TBX5: variants seen among roughly 807,000 people sequenced by gnomAD.
TBX5 encodes the protein T-box transcription factor 5, also known as T-box transcription factor TBX5.
In TBX5, 8 loss-of-function variants were observed where a neutral mutation model predicts 51.1. The observed-to-expected ratio is 0.16, with a 90% confidence interval of 0.09 to 0.28. The LOEUF (loss-of-function observed/expected upper bound fraction) is 0.28. Among genes scored for constraint, TBX5 ranks in the 10% least tolerant of loss-of-function variants. The pLI is 1.00. For synonymous variants in TBX5, 302 were observed against 266.4 expected (o/e 1.13, Z -1.30); for missense variants, 589 against 671.7 (o/e 0.88, Z 1.36).
chr12:114,404,295 A>AT (rs1872050805), intron 1 of TBX5, among the ~76,000 whole-genome samples: 1 of 152,112 alleles, frequency 6.6e-6, no homozygotes, highest in African/African-American at 2.4e-5. Flanking sequence ...AGGCGTGGGT[A>AT]TTTTTGGAAG....
At chr12:114,397,325 A>G (rs2555007) in intron 5 of TBX5, among the ~76,000 whole-genome samples, 143,660 of 152,164 alleles carry the variant, frequency 0.94, 68,190 homozygotes, top group East Asian at 1. Flanking sequence ...TAGGACCTTG[A>G]CAAGTCACCC....
chr12:114,360,295 G>A (rs1422124862), intron 8 of TBX5, among the ~76,000 whole-genome samples: 1 of 145,780 alleles, frequency 6.9e-6, no homozygotes, highest in Non-Finnish European at 1.5e-5. Context: ...TACATGCTCA[G>A]CCAACATGAA....
At chr12:114,363,996 G>A (rs1309717610) in intron 8 of TBX5, among the ~76,000 whole-genome samples, 1 of 152,216 alleles carries the variant, frequency 6.6e-6, no homozygotes, top group African/African-American at 2.4e-5. Context: ...CTGTTGGAGT[G>A]ATATTGTTCA....
chr12:114,390,567 G>A lies in TBX5; in HGVS notation c.663+4174C>T, dbSNP rs201590532. ...GAAAAAAATTTTTTAAAACCCTCAC[G>A]AGGACCAAAAATCTTAATTATGTCT... On this transcript the variant is annotated intron_variant, in intron 6 of 8. Transcript: ENST00000405440. Among the ~76,000 whole-genome samples, 6 of 152,286 alleles carry A rather than the reference G, an allele frequency of 3.9e-5. No individual in the cohort carries two copies. The East Asian group carries it at 7.7e-4, about 20-fold the overall frequency.
intron 8 of TBX5, among the ~76,000 whole-genome samples, chr12:114,363,138 C>T (rs183560295): frequency 1.4e-3 from 210 of 152,258 alleles, no homozygotes; most frequent in Non-Finnish European, 2.6e-3. Context: ...TCATCACAAC[C>T]GTATCAAGCA....
At chr12:114,371,406 A>G (rs911303491) in intron 7 of TBX5, among the ~76,000 whole-genome samples, 23 of 151,978 alleles carry the variant, frequency 1.5e-4, no homozygotes, top group African/African-American at 5.1e-4. Context: ...GAATGACGCC[A>G]TTGTCGCTGG....
chr12:114,399,736 T>A (rs1871681037), intron 3 of TBX5, 104 bp from the exon 4 acceptor site: 1 of 1,576,530 alleles, frequency 6.3e-7, no homozygotes, highest in Non-Finnish European at 8.7e-7. Flanking sequence ...TGGAGAAACG[T>A]GGAAGCGGAA....
At chr12:114,370,967 G>C (rs969713890) in intron 7 of TBX5, among the ~76,000 whole-genome samples, 1 of 151,890 alleles carries the variant, frequency 6.6e-6, no homozygotes, top group African/African-American at 2.4e-5. Flanking sequence ...TATATCAAGG[G>C]GAATGGTGGA....
At chr12:114,375,808 C>T (rs571003781) in intron 7 of TBX5, among the ~76,000 whole-genome samples, 1 of 152,232 alleles carries the variant, frequency 6.6e-6, no homozygotes, top group African/African-American at 2.4e-5. Context: ...CTTTGGGAGG[C>T]CAAGGCAGGA....
At chr12:114,406,521 C>A (rs925076427), upstream of TBX5, among the ~76,000 whole-genome samples, 2 of 152,160 alleles carry the variant, frequency 1.3e-5, no homozygotes, top group Non-Finnish European at 2.9e-5. Context: ...CCAACGCTGA[C>A]CTCGAGAAGG....
At chr12:114,357,613 GT>G (rs1868996547) in intron 8 of TBX5, among the ~76,000 whole-genome samples, 1 of 152,192 alleles carries the variant, frequency 6.6e-6, no homozygotes, top group Admixed American at 6.5e-5. Context: ...AACAGCTCTT[GT>G]TGCAGGGCTA....
chr12:114,406,151 G>A (rs553240209), upstream of TBX5: 7 of 482,496 alleles, frequency 1.5e-5, no homozygotes, highest in Non-Finnish European at 1.9e-5. Context: ...TACTGAAATC[G>A]CCTATCCAAC....
intron 8 of TBX5, among the ~76,000 whole-genome samples, chr12:114,364,267 T>C (rs1219752665): frequency 1.3e-5 from 2 of 152,228 alleles, no homozygotes; most frequent in Non-Finnish European, 2.9e-5. Context: ...GGGCACTGGA[T>C]TCACAAAGGC....
intron 6 of TBX5, among the ~76,000 whole-genome samples, chr12:114,392,005 A>G (rs976653094): frequency 7.9e-5 from 12 of 152,160 alleles, no homozygotes; most frequent in African/African-American, 2.9e-4. Flanking sequence ...GCTAAACAGA[A>G]CATTATGCAC....
rs1868735130 is a variant in TBX5 at position 114,354,185 on chromosome 12, A to T, written c.*1347T>A. ...TTTTTAATCAAAAAAAGCAAAGCAC[A>T]TTCGAAAGAGGAAAAAAACAAAAAA... is the stretch of plus-strand genomic sequence containing the variant. On this transcript the variant is annotated 3_prime_UTR_variant, in exon 9 of 9. Transcript: ENST00000405440. 1 of 152,286 alleles carries T rather than the reference A, an allele frequency of 6.6e-6. No individual in the cohort carries two copies. The highest frequency in any genetic ancestry group is 2.1e-4 in the South Asian group (1 of 4,810). The allele number at this position is 152,286 out of a possible 1,614,324, so 9.4% of individuals were successfully genotyped here. A position where few individuals can be genotyped will look rare whatever the true frequency, so the allele number is the denominator to read the frequency against.
intron 6 of TBX5, among the ~76,000 whole-genome samples, chr12:114,394,192 A>G (rs1233488991): frequency 6.6e-6 from 1 of 152,208 alleles, no homozygotes; most frequent in Non-Finnish European, 1.5e-5. Context: ...GTGTGTGCCT[A>G]TAGTCCCAGC....
At chr12:114,357,307 C>G (rs1223363587) in intron 8 of TBX5, among the ~76,000 whole-genome samples, 1 of 152,140 alleles carries the variant, frequency 6.6e-6, no homozygotes, top group African/African-American at 2.4e-5. Flanking sequence ...GTGCTGGGCT[C>G]TTTCCTAGAA....
At position 114,403,745 on chromosome 12, in the gene TBX5, T is replaced by G. The variant is rs768076984; in HGVS notation, c.147+7A>C. Reference sequence around the variant, plus strand: ...GCAAAGGGACCCGAAGCGCGAGGTCTCCTTACCTGCTGGGTGAAGGCGGCC... The same window carrying G: ...GCAAAGGGACCCGAAGCGCGAGGTCGCCTTACCTGCTGGGTGAAGGCGGCC... On this transcript the variant is annotated splice_region_variant and intron_variant, in intron 2 of 8. Transcript: ENST00000405440. The G allele has an allele frequency of 1.2e-6, 2 of 1,613,054 alleles. No individual in the cohort carries two copies. Among genetic ancestry groups the G allele is most frequent in the East Asian group, 4.5e-5 (2 of 44,856 alleles).
At chr12:114,363,128 T>G (rs1869333472) in intron 8 of TBX5, among the ~76,000 whole-genome samples, 1 of 152,180 alleles carries the variant, frequency 6.6e-6, no homozygotes, top group South Asian at 2.1e-4. Context: ...TCATTTCCCC[T>G]CATCACAACC....
Sources: allele counts gnomAD v4.1 joint callset (sites outside exome capture counted in the v4.1 genomes callset), GRCh38; gene constraint gnomAD v4.1.1; transcripts MANE v1.5; gene names NCBI Gene and HGNC (gene_info 2026-07-23, HGNC 2026-07-21).